ITGA11: variants seen among roughly 807,000 people sequenced by gnomAD.
ITGA11 encodes the protein integrin alpha-11.
A neutral mutation model predicts 141.9 loss-of-function variants in ITGA11; 97 were observed. The ratio of observed to expected loss-of-function variants is 0.68; its 90% CI spans 0.58 to 0.81. The LOEUF is 0.81. ITGA11 is among the 30% of genes least tolerant of loss of function. The probability of loss-of-function intolerance (pLI) is 0.00; values close to 1 mark genes in which losing one functional copy is unlikely to be tolerated. For missense variants in ITGA11, 1,387 were observed against 1,559.2 expected (o/e 0.89, Z 1.86); for synonymous variants, 658 against 624.6 (o/e 1.05, Z -0.80).
chr15:68,379,457 A>G (rs371088237), intron 2 of ITGA11, among the ~76,000 whole-genome samples: 35 of 152,334 alleles, frequency 2.3e-4, no homozygotes, highest in African/African-American at 8.4e-4. Flanking sequence ...TCAAGGCTCA[A>G]TCACTGTTTG....
chr15:68,348,781 C>T (rs1331030941), intron 10 of ITGA11, 49 bp downstream of exon 10: 14 of 1,499,022 alleles, frequency 9.3e-6, no homozygotes, highest in Non-Finnish European at 1.3e-5. Flanking sequence ...GAAGAGCATG[C>T]CCTCGAGAGA....
intron 2 of ITGA11, among the ~76,000 whole-genome samples, chr15:68,381,995 G>T (rs369635865): frequency 6.6e-6 from 1 of 152,218 alleles, no homozygotes; most frequent in East Asian, 1.9e-4. Flanking sequence ...CAGGAGCGCA[G>T]AGGACACAGA....
rs1893075291 is a variant in ITGA11 at position 68,302,835 on chromosome 15, G to C, written c.*224C>G. 2 of 539,806 alleles carry C rather than the reference G, an allele frequency of 3.7e-6. No homozygotes were observed. Among genetic ancestry groups the C allele is most frequent in the Non-Finnish European group, 3.3e-6 (1 of 306,154 alleles). 33.4% of individuals were successfully genotyped at this position (539,806 alleles called of 1,614,324 possible). On this transcript the variant is annotated 3_prime_UTR_variant, in exon 30 of 30. Coordinates refer to ENST00000315757, the MANE Select transcript of ITGA11 (RefSeq NM_001004439.2). The stretch of plus-strand genomic sequence containing the variant: ...AGGGGTGTCCCTTTAAATCCCTAGG[G>C]GTCTGTGTTAAAGGTGTCCCAGTCT...
At position 68,351,509 on chromosome 15, in the gene ITGA11, T is replaced by C. The variant is rs543576354; in HGVS notation, c.750-107A>G. 3.2e-6 allele frequency: 4 copies of C among 1,269,780 alleles called. No individual in the cohort carries two copies. The African/African-American group carries it at 6.0e-5, about 19-fold the overall frequency. 78.7% of individuals were successfully genotyped at this position (1,269,780 alleles called of 1,614,324 possible). ...ACAGAAACCAGGACCAAGTCCTCCT[T>C]GGGCAACCCAACAGGTGCCAGGACC... On this transcript the variant is annotated intron_variant, in intron 7 of 29. Coordinates refer to ENST00000315757, the MANE Select transcript of ITGA11 (RefSeq NM_001004439.2).
Position 68,328,263 on chromosome 15 carries a change from C to T in ITGA11, c.1902-1G>A, listed in dbSNP as rs1486208849. On this transcript the variant is annotated splice_acceptor_variant, in intron 15 of 29. Transcript: ENST00000315757. LOFTEE classifies it high-confidence loss of function. The surrounding 1 kb of genome is among the most constrained non-coding windows in gnomAD (Gnocchi z 4.8). Reference sequence around the variant, plus strand: ...ATTGATCTGAACCACTGGGCGGGACCTGGAGGAGAAGGGCCAGTGAGCTGG... The same window carrying T: ...ATTGATCTGAACCACTGGGCGGGACTTGGAGGAGAAGGGCCAGTGAGCTGG... 6.2e-7 allele frequency: 1 copy of T among 1,612,378 alleles called. No homozygotes were observed. The highest frequency in any genetic ancestry group is 8.5e-7 in the Non-Finnish European group (1 of 1,179,086).
At chr15:68,358,036 C>A (rs1451096435) in intron 6 of ITGA11, among the ~76,000 whole-genome samples, 1 of 152,216 alleles carries the variant, frequency 6.6e-6, no homozygotes, top group African/African-American at 2.4e-5. Flanking sequence ...GGGAATGAAT[C>A]TACCTCCGCG....
chr15:68,340,256 T>C (rs1894521378), intron 10 of ITGA11, among the ~76,000 whole-genome samples: 3 of 150,268 alleles, frequency 2.0e-5, no homozygotes, highest in African/African-American at 7.3e-5. Context: ...TTGCAAACTG[T>C]GATCAACGCA....
At chr15:68,359,581 G>A (rs776487798) in intron 5 of ITGA11, among the ~76,000 whole-genome samples, 1 of 152,176 alleles carries the variant, frequency 6.6e-6, no homozygotes. Flanking sequence ...AGGAGGCAGA[G>A]GTTGCAGTGA....
rs1894317204 is a variant in ITGA11 at position 68,335,471 on chromosome 15, T to G, written c.1425+226A>C. Reference sequence around the variant, plus strand: ...TGGCAGCCTTCCCATTCCTCATTGCTTCCATTCCAGGAAAAGGGAAGCAGC... The same window carrying G: ...TGGCAGCCTTCCCATTCCTCATTGCGTCCATTCCAGGAAAAGGGAAGCAGC... On this transcript the variant is annotated intron_variant, in intron 12 of 29. Coordinates refer to ENST00000315757, the MANE Select transcript of ITGA11 (RefSeq NM_001004439.2). This position sits in a 1 kb window ranked among gnomAD's most constrained non-coding sequence, Gnocchi z 4.9. 6.6e-6 allele frequency among the ~76,000 whole-genome samples: 1 copy of G among 152,212 alleles called. No homozygotes were observed. Among genetic ancestry groups the G allele is most frequent in the African/African-American group, 2.4e-5 (1 of 41,458 alleles).
chr15:68,383,965 G>A (rs866890398), intron 2 of ITGA11, among the ~76,000 whole-genome samples: 1 of 152,164 alleles, frequency 6.6e-6, no homozygotes, highest in African/African-American at 2.4e-5. Context: ...TTCCTGAACT[G>A]CCCACGTTAA....
At chr15:68,397,481 TAA>T (rs1427034062) in intron 2 of ITGA11, among the ~76,000 whole-genome samples, 3 of 100,058 alleles carry the variant, frequency 3.0e-5, no homozygotes, top group Non-Finnish European at 5.2e-5. Context: ...AAAAATATTA[TAA>T]AATATTTTAA....
chr15:68,310,577 C>T (rs1002942697), intron 26 of ITGA11, among the ~76,000 whole-genome samples: 3 of 152,228 alleles, frequency 2.0e-5, no homozygotes, highest in African/African-American at 7.2e-5. Flanking sequence ...GAGGCCCCAG[C>T]TGACGCAGCC....
At chr15:68,374,989 G>C (rs764581400) in intron 2 of ITGA11, among the ~76,000 whole-genome samples, 2 of 152,244 alleles carry the variant, frequency 1.3e-5, no homozygotes, top group African/African-American at 2.4e-5. Context: ...ATGTAAGTAT[G>C]ATGAGCCTGC....
rs1412305225 is a variant in ITGA11, at chr15:68,301,493, G to C, written c.*1566C>G. ...TAGATGGAAGGGTGATCTTGGGAGA[G>C]GGAGCGCTCCACCACTGGAGACGTC... On this transcript the variant is annotated 3_prime_UTR_variant, in exon 30 of 30. Coordinates refer to ENST00000315757, the MANE Select transcript of ITGA11 (RefSeq NM_001004439.2). The surrounding 1 kb of genome is among the most constrained non-coding windows in gnomAD (Gnocchi z 4.4). The C allele has an allele frequency of 6.6e-6, 1 of 152,312 alleles. No individual in the cohort carries two copies. Among genetic ancestry groups the C allele is most frequent in the South Asian group, 2.1e-4 (1 of 4,832 alleles). The allele number at this position is 152,312 out of a possible 1,614,324, so 9.4% of individuals were successfully genotyped here.
At chr15:68,330,454 C>T (rs1894116621) in intron 15 of ITGA11, among the ~76,000 whole-genome samples, 1 of 149,172 alleles carries the variant, frequency 6.7e-6, no homozygotes, top group African/African-American at 2.5e-5. Context: ...TGAAAAATAT[C>T]TCATCAACAT....
In ITGA11 at chr15:68,311,332, G is replaced by A. The variant is rs748816993; in HGVS notation, c.3045C>T (p.Ser1015=). 1.3e-5 allele frequency: 20 copies of A among 1,578,244 alleles called. No individual in the cohort carries two copies. In the African/African-American group the frequency reaches 1.8e-4, roughly 14 times the overall value. ...MKITIPIATR[S]GNRLLKLRDF... ...CCCTCAGCTTCAGTAGGCGGTTGCC[G>A]CTCCTGGTGGCGATGGGAATGGTGA... Residue 1015 remains serine (S), a synonymous_variant, in exon 25 of 30, where the codon AGC becomes AGT. Coordinates refer to ENST00000315757, the MANE Select transcript of ITGA11 (RefSeq NM_001004439.2).
rs28522005 is a variant in ITGA11, at chr15:68,333,377, A to G, written c.1426-899T>C. ...CAGCCTCTCAAAGTGCTGGGATTAC[A>G]GGTGTAAGCCACTGTTTTTAATTTT... On this transcript the variant is annotated intron_variant, in intron 12 of 29. Transcript: ENST00000315757. This position sits in a 1 kb window ranked among gnomAD's most constrained non-coding sequence, Gnocchi z 4.2. Among the ~76,000 whole-genome samples the G allele has an allele frequency of 0.16, 25,094 of 152,236 alleles. 2,776 individuals are homozygous for G. The highest frequency in any genetic ancestry group is 0.32 in the African/African-American group (13,197 of 41,498).
intron 13 of ITGA11, 37 bp downstream of exon 13, chr15:68,332,301 G>A (rs1394605124): frequency 2.5e-6 from 4 of 1,576,722 alleles, no homozygotes; most frequent in African/African-American, 1.3e-5. Context: ...GAGGTTGGGG[G>A]CACCTGAGAA....
intron 9 of ITGA11, among the ~76,000 whole-genome samples, chr15:68,349,809 G>A (rs1355594902): frequency 6.6e-6 from 1 of 152,202 alleles, no homozygotes; most frequent in Non-Finnish European, 1.5e-5. Flanking sequence ...AATAAAAAAT[G>A]CTTTTGGTGG....
Sources: gnomAD v4.1 joint callset for allele counts (sites outside exome capture counted in the v4.1 genomes callset) on GRCh38, gnomAD v4.1.1 for gene constraint, Gnocchi (gnomAD v3.1) non-coding constraint, MANE v1.5 for transcripts, NCBI Gene and HGNC (gene_info 2026-07-23, HGNC 2026-07-21) for gene names.